MAP3K13: variants seen among roughly 807,000 people sequenced by gnomAD.
The protein encoded by MAP3K13 is mitogen-activated protein kinase kinase kinase 13.
Under a neutral mutation model 104.0 loss-of-function variants are expected in MAP3K13, and 52 were observed. That is an observed-to-expected ratio of 0.50 (90% confidence interval 0.40 to 0.63). The LOEUF (loss-of-function observed/expected upper bound fraction) is 0.63, where lower values mean the gene tolerates loss of function less well. Among genes scored for constraint, MAP3K13 ranks in the 20% least tolerant of loss-of-function variants. The pLI, the probability that MAP3K13 is intolerant of heterozygous loss-of-function variation, is 0.00. For synonymous variants in MAP3K13, 394 were observed against 442.2 expected, an observed-to-expected ratio of 0.89 and a Z score of 1.37; for missense variants, 914 against 1,218.5, an observed-to-expected ratio of 0.75 and a Z score of 3.72.
At chr3:185,287,147 A>G (rs764836634) in intron 2 of MAP3K13, among the ~76,000 whole-genome samples, 5 of 152,196 alleles carry the variant, frequency 3.3e-5, no homozygotes, top group Non-Finnish European at 5.9e-5. Flanking sequence ...TGAATTCAGT[A>G]TTCATTTACA....
intron 2 of MAP3K13, among the ~76,000 whole-genome samples, chr3:185,310,410 C>T (rs1721455910): frequency 6.6e-6 from 1 of 151,942 alleles, no homozygotes; most frequent in Non-Finnish European, 1.5e-5. Context: ...AAGCAATCAA[C>T]AGACCCAGAC....
chr3:185,410,262 C>A (rs1188508021), intron 1 of MAP3K13, among the ~76,000 whole-genome samples: 2 of 152,142 alleles, frequency 1.3e-5, no homozygotes, highest in East Asian at 3.8e-4. Context: ...GAAAGTTAAA[C>A]ACCACATGTT....
At chr3:185,386,288 A>C (rs1711682926) in intron 1 of MAP3K13, among the ~76,000 whole-genome samples, 1 of 152,222 alleles carries the variant, frequency 6.6e-6, no homozygotes, top group Non-Finnish European at 1.5e-5. Flanking sequence ...GAAGACATAC[A>C]TGTGGCCAAC....
chr3:185,426,487 A>C (rs1378295752), intron 1 of MAP3K13, among the ~76,000 whole-genome samples: 2 of 152,202 alleles, frequency 1.3e-5, no homozygotes, highest in African/African-American at 4.8e-5. Context: ...GAAAATAATA[A>C]AATTGAGAGG....
intron 2 of MAP3K13, among the ~76,000 whole-genome samples, chr3:185,294,375 G>T (rs1335351871): frequency 6.6e-6 from 1 of 152,146 alleles, no homozygotes; most frequent in South Asian, 2.1e-4. Flanking sequence ...TAATTTTTTA[G>T]TGCTTTAGTG....
chr3:185,416,291 T>C (rs1713766585), intron 1 of MAP3K13, among the ~76,000 whole-genome samples: 1 of 152,140 alleles, frequency 6.6e-6, no homozygotes, highest in East Asian at 1.9e-4. Flanking sequence ...TTATTCCCCT[T>C]GATTTCACAT....
chr3:185,368,854 G>A (rs1398266074), intron 1 of MAP3K13, among the ~76,000 whole-genome samples: 3 of 151,838 alleles, frequency 2.0e-5, no homozygotes, highest in African/African-American at 7.3e-5. Flanking sequence ...AGCTACTCGG[G>A]AGGCTGAGGC....
chr3:185,446,412 C>A (rs1306971932), intron 4 of MAP3K13, among the ~76,000 whole-genome samples: 1 of 152,042 alleles, frequency 6.6e-6, no homozygotes, highest in African/African-American at 2.4e-5. Flanking sequence ...CCCGCCACCA[C>A]GCTCGTAAGC....
At chr3:185,377,070 G>T (rs190392185) in intron 1 of MAP3K13, among the ~76,000 whole-genome samples, 8 of 152,228 alleles carry the variant, frequency 5.3e-5, no homozygotes, top group African/African-American at 1.9e-4. Context: ...GAGGTATTGA[G>T]GATAGGAGAG....
intron 2 of MAP3K13, chr3:185,292,038 C>T (rs1483584699): frequency 1.0e-6 from 1 of 985,456 alleles, no homozygotes. Context: ...GGCACGGTGG[C>T]TCATGCCTGT....
At chr3:185,421,281 C>T (rs1714111791) in intron 1 of MAP3K13, among the ~76,000 whole-genome samples, 2 of 152,096 alleles carry the variant, frequency 1.3e-5, no homozygotes, top group South Asian at 4.2e-4. Context: ...GCATTCTCCA[C>T]CTCCTGCCTG....
At chr3:185,455,716 G>GATATATATGAGATATATATGAGAT (rs1716636340) in intron 7 of MAP3K13, among the ~76,000 whole-genome samples, 1 of 10,888 alleles carries the variant, frequency 9.2e-5, no homozygotes, top group African/African-American at 1.9e-4. Flanking sequence ...ATATATATGA[G>GATATATATGAGATATATATGAGAT]ATATATATGA....
rs1048948668 is a variant in MAP3K13, at chr3:185,488,370, T to G, written c.*5914T>G. Reference sequence around the variant, plus strand: ...TCATATTAATCTGCTTGTTTGCATGTTACAACTGATACTGCAAAAGCCTAT... The same window carrying G: ...TCATATTAATCTGCTTGTTTGCATGGTACAACTGATACTGCAAAAGCCTAT... On this transcript the variant is annotated 3_prime_UTR_variant, in exon 14 of 14. Transcript: ENST00000265026. The G allele has an allele frequency of 6.6e-6, 1 of 152,184 alleles. No individual in the cohort carries two copies. The highest frequency in any genetic ancestry group is 2.4e-5 in the African/African-American group (1 of 41,442). 9.4% of individuals were successfully genotyped at this position (152,184 alleles called of 1,614,324 possible). A position where few individuals can be genotyped will look rare whatever the true frequency, so the allele number is the denominator to read the frequency against.
chr3:185,309,884 G>T (rs998798057), intron 2 of MAP3K13, among the ~76,000 whole-genome samples: 1 of 152,170 alleles, frequency 6.6e-6, no homozygotes, highest in Non-Finnish European at 1.5e-5. Flanking sequence ...TTGCCAAGAG[G>T]TTGGGGTAGG....
At chr3:185,390,416 G>A (rs1012272168) in intron 1 of MAP3K13, among the ~76,000 whole-genome samples, 11 of 152,072 alleles carry the variant, frequency 7.2e-5, no homozygotes, top group Non-Finnish European at 1.6e-4. Flanking sequence ...GTGCCACTGC[G>A]CAGCCTCCCT....
Position 185,450,128 on chromosome 3 carries a change from G to A in MAP3K13, c.1169+70G>A. 2.9e-6 allele frequency: 4 copies of A among 1,388,338 alleles called. No individual in the cohort carries two copies. The highest frequency in any genetic ancestry group is 2.3e-5 in the Admixed American group (1 of 42,842). The allele number at this position is 1,388,338 out of a possible 1,614,324, so 86.0% of individuals were successfully genotyped here. On this transcript the variant is annotated intron_variant, in intron 6 of 13. Coordinates refer to ENST00000265026, the MANE Select transcript of MAP3K13 (RefSeq NM_004721.5). This position sits in a 1 kb window ranked among gnomAD's most constrained non-coding sequence, Gnocchi z 4.2. Reference sequence around the variant, plus strand: ...ATTTGGAGTAAATATCCTGGTGGTGGAAAGAATAGGAGCTTTGGAGTAGGA... The same window carrying A: ...ATTTGGAGTAAATATCCTGGTGGTGAAAAGAATAGGAGCTTTGGAGTAGGA...
In MAP3K13 at chr3:185,315,775, G is replaced by T. The variant is rs999632911; in HGVS notation, c.-86+30132G>T. On this transcript the variant is annotated intron_variant, in intron 2 of 14. Transcript: ENST00000424227. This position sits in a 1 kb window ranked among gnomAD's most constrained non-coding sequence, Gnocchi z 4.3. ...CTTTTAACTAGAAATATCTCACAGGGTTGTGAGGATTAAATTATCAAGTGT... is the reference window on the plus strand; with the variant it reads ...CTTTTAACTAGAAATATCTCACAGGTTTGTGAGGATTAAATTATCAAGTGT... 6.6e-6 allele frequency among the ~76,000 whole-genome samples: 1 copy of T among 152,072 alleles called. No individual in the cohort carries two copies. The highest frequency in any genetic ancestry group is 6.5e-5 in the Admixed American group (1 of 15,268).
chr3:185,295,853 G>A (rs1211951537), intron 2 of MAP3K13, among the ~76,000 whole-genome samples: 1 of 152,182 alleles, frequency 6.6e-6, no homozygotes, highest in Non-Finnish European at 1.5e-5. Context: ...TAGGGATTCA[G>A]TAAATATTTG....
chr3:185,437,341 G>T, intron 2 of MAP3K13, 106 bp from the exon 3 acceptor site: 1 of 933,050 alleles, frequency 1.1e-6, no homozygotes, highest in Non-Finnish European at 1.6e-6. Context: ...GGAGACAGAG[G>T]GTAAGGGTCA....
Sources: allele counts gnomAD v4.1 joint callset (sites outside exome capture counted in the v4.1 genomes callset), GRCh38; gene constraint gnomAD v4.1.1; non-coding constraint Gnocchi (gnomAD v3.1); transcripts MANE v1.5; gene names NCBI Gene and HGNC (gene_info 2026-07-23, HGNC 2026-07-21).